Variants in PCBP3 observed in about 807,000 individuals in gnomAD.
PCBP3 encodes the protein poly(rC) binding protein 3.
PCBP3 carries 25 observed loss-of-function variants against 52.7 expected under a neutral mutation model. That is an observed-to-expected ratio of 0.47 (90% CI 0.35 to 0.66). PCBP3 has a LOEUF of 0.66. Among genes scored for constraint, PCBP3 ranks in the 30% least tolerant of loss-of-function variants. The pLI, the probability that PCBP3 is intolerant of heterozygous loss-of-function variation, is 0.01. For synonymous variants in PCBP3, 162 were observed against 183.0 expected, an observed-to-expected ratio of 0.89 and a Z score of 0.93; for missense variants, 391 against 490.3, an observed-to-expected ratio of 0.80 and a Z score of 1.91.
In PCBP3 at chr21:45,655,481, A is replaced by T. The variant is rs185852040; in HGVS notation, c.-279+11613A>T. The stretch of plus-strand genomic sequence containing the variant: ...AGCCATGTAGTGGGTGGGAAGTAGT[A>T]GATATTGTGGTATAAATTAGCATTT... On this transcript the variant is annotated intron_variant, in intron 1 of 17. Transcript: ENST00000681687. Among the ~76,000 whole-genome samples, 16 of 152,252 alleles carry T rather than the reference A, an allele frequency of 1.1e-4. No homozygotes were observed. The East Asian group carries it at 3.1e-3, about 29-fold the overall frequency.
Position 45,909,421 on chromosome 21 carries a change from GTGCC to G in PCBP3, c.411_414del (p.Gln140ValfsTer4). The G allele has an allele frequency of 6.2e-7, 1 of 1,613,280 alleles. No individual in the cohort carries two copies. ...GCCCCCAGTGACGCTGAGGCTGGTG[GTGCC>G]TGCCAGCCAGTGTGGGTCCCTGATC... is the stretch of plus-strand genomic sequence containing the variant. On this transcript the variant is annotated frameshift_variant, in exon 10 of 18. Transcript: ENST00000681687. LOFTEE classifies it high-confidence loss of function.
chr21:45,940,769 G>A (rs1011129832), intron 17 of PCBP3, among the ~76,000 whole-genome samples: 1 of 138,282 alleles, frequency 7.2e-6, no homozygotes, highest in South Asian at 2.2e-4. Context: ...CAGGCATGCC[G>A]TACCACCAGC....
intron 4 of PCBP3, among the ~76,000 whole-genome samples, chr21:45,767,819 G>A (rs2089493427): frequency 6.6e-6 from 1 of 152,242 alleles, no homozygotes. Flanking sequence ...TGCAGGTGGT[G>A]CCCTAGAGGG....
rs187533710 is a variant in PCBP3, at chr21:45,873,569, G to A, written c.11-22639G>A. 1.4e-4 allele frequency among the ~76,000 whole-genome samples: 22 copies of A among 152,216 alleles called. 1 individual carries two copies. Among genetic ancestry groups the A allele is most frequent in the Admixed American group, 3.9e-4 (6 of 15,294 alleles). On this transcript the variant is annotated intron_variant, in intron 5 of 17. Coordinates refer to ENST00000681687, the MANE Select transcript of PCBP3 (RefSeq NM_001384156.1). ...TGTGCTGTCTTTCAGACGCTGTGTC[G>A]TTTATGCTTCCCCTTGAGACGCACA...
intron 2 of PCBP3, among the ~76,000 whole-genome samples, chr21:45,670,529 A>T (rs896957428): frequency 1.3e-5 from 2 of 152,184 alleles, no homozygotes. Context: ...AGAGGTTTTC[A>T]TCAGGTACTG....
rs557764671 is a variant in PCBP3 at position 45,928,654 on chromosome 21, G to A, written c.718-1263G>A. On this transcript the variant is annotated intron_variant, in intron 13 of 17. Transcript: ENST00000681687. This position sits in a 1 kb window ranked among gnomAD's most constrained non-coding sequence, Gnocchi z 4.1. Reference sequence around the variant, plus strand: ...GGTGCTCAGCAGCCGGCCTTCTCACGTGCAGATGGCAGCTCTGCTCCGAGC... The same window carrying A: ...GGTGCTCAGCAGCCGGCCTTCTCACATGCAGATGGCAGCTCTGCTCCGAGC... 2.2e-4 allele frequency among the ~76,000 whole-genome samples: 33 copies of A among 152,224 alleles called. No individual in the cohort carries two copies. Among genetic ancestry groups the A allele is most frequent in the Admixed American group, 5.9e-4 (9 of 15,306 alleles).
At chr21:45,670,329 T>A (rs2081093748) in intron 2 of PCBP3, among the ~76,000 whole-genome samples, 1 of 152,154 alleles carries the variant, frequency 6.6e-6, no homozygotes, top group African/African-American at 2.4e-5. Context: ...ATTATACAAG[T>A]GTAGTTGTTA....
intron 4 of PCBP3, among the ~76,000 whole-genome samples, chr21:45,813,792 G>A (rs1443296746): frequency 2.0e-5 from 3 of 152,148 alleles, no homozygotes; most frequent in East Asian, 1.9e-4. Flanking sequence ...AAAAGTACCT[G>A]CCCAATAACC....
intron 9 of PCBP3, among the ~76,000 whole-genome samples, chr21:45,907,212 G>T (rs938191790): frequency 6.6e-6 from 1 of 152,190 alleles, no homozygotes; most frequent in African/African-American, 2.4e-5. Context: ...TGGGTGCTGG[G>T]GCTGGTGAGG....
intron 4 of PCBP3, chr21:45,762,936 T>G (rs2088863014): frequency 6.6e-6 from 1 of 152,276 alleles, no homozygotes; most frequent in Admixed American, 6.5e-5. Flanking sequence ...GAGCCATGGC[T>G]TTTCTGTCTC....
chr21:45,903,793 A>C (rs2096128452), intron 9 of PCBP3, among the ~76,000 whole-genome samples: 1 of 152,190 alleles, frequency 6.6e-6, no homozygotes, highest in African/African-American at 2.4e-5. Flanking sequence ...CAAGGTCTTC[A>C]TCTTGCAGGA....
intron 5 of PCBP3, among the ~76,000 whole-genome samples, chr21:45,886,241 ATGTGGTGAGGTGTGGAGGAGG>A (rs1287787244): frequency 0.21 from 22,816 of 108,064 alleles, 7,999 homozygotes; most frequent in East Asian, 0.51. Context: ...AGGGCAGAGG[ATGTGGTGAGGTGTGGAGGAGG>A]CCTCATTGCC....
chr21:45,745,199 T>A (rs898897951), intron 3 of PCBP3, among the ~76,000 whole-genome samples: 1 of 152,080 alleles, frequency 6.6e-6, no homozygotes, highest in Non-Finnish European at 1.5e-5. Context: ...GTGAGACCCA[T>A]AGGAGACATG....
At chr21:45,748,024 G>A (rs1257376744) in intron 3 of PCBP3, 1 of 152,398 alleles carries the variant, frequency 6.6e-6, no homozygotes, top group Non-Finnish European at 1.5e-5. Context: ...AGGCTGTCTG[G>A]CGGCCCTGCG....
chr21:45,940,194 C>T lies in PCBP3; in HGVS notation c.1074C>T (p.Asn358=), dbSNP rs375088297. 6.7e-5 allele frequency: 108 copies of T among 1,611,512 alleles called. 1 individual carries two copies. Among genetic ancestry groups the T allele is most frequent in the African/African-American group, 5.2e-4 (39 of 74,982 alleles). The change falls in exon 17 of 18, where the codon AAC becomes AAT. Residue 358 remains asparagine, a synonymous_variant. Coordinates refer to ENST00000681687, the MANE Select transcript of PCBP3 (RefSeq NM_001384156.1). ...TCAGCCTTGCCCAGTATCTCATCAA[C>T]GCCAGGTGAGCATCTCCCAAGGGTC... ...ANISLAQYLI[N]ARLTSEVTGM...
intron 14 of PCBP3, 85 bp downstream of exon 14, chr21:45,930,080 T>G (rs766823277): frequency 1.1e-6 from 1 of 944,922 alleles, no homozygotes; most frequent in South Asian, 1.4e-5. Flanking sequence ...GTGCAGTGCA[T>G]AGAACAGGTG....
chr21:45,704,336 C>A lies in PCBP3; in HGVS notation c.-199-31056C>A, dbSNP rs1048449916. The stretch of plus-strand genomic sequence containing the variant: ...AATGAGGGGAGTTGACATAGTTTGT[C>A]TGCAGAAAGGAGTAAGGAAACATGG... On this transcript the variant is annotated intron_variant, in intron 2 of 17. Transcript: ENST00000681687. This position sits in a 1 kb window ranked among gnomAD's most constrained non-coding sequence, Gnocchi z 4.1. 2.6e-5 allele frequency among the ~76,000 whole-genome samples: 4 copies of A among 152,104 alleles called. No homozygotes were observed. Among genetic ancestry groups the A allele is most frequent in the African/African-American group, 9.7e-5 (4 of 41,408 alleles).
intron 13 of PCBP3, among the ~76,000 whole-genome samples, chr21:45,922,487 C>T (rs1455207353): frequency 6.6e-6 from 1 of 152,000 alleles, no homozygotes; most frequent in Non-Finnish European, 1.5e-5. Flanking sequence ...CTCCGGCAGT[C>T]GAGACTGTAG....
At chr21:45,755,926 A>G (rs934083648) in intron 4 of PCBP3, among the ~76,000 whole-genome samples, 7 of 151,942 alleles carry the variant, frequency 4.6e-5, no homozygotes, top group African/African-American at 1.7e-4. Context: ...GAATTGTTTA[A>G]TCTCGGTAAA....
Sources: allele counts gnomAD v4.1 joint callset (sites outside exome capture counted in the v4.1 genomes callset), GRCh38; gene constraint gnomAD v4.1.1; non-coding constraint Gnocchi (gnomAD v3.1); transcripts MANE v1.5; gene names NCBI Gene and HGNC (gene_info 2026-07-23, HGNC 2026-07-21).